Variants in DMD observed in about 807,000 individuals in gnomAD.
DMD encodes dystrophin, also known as mutant dystrophin.
Under a neutral mutation model 330.1 loss-of-function variants are expected in DMD, and 63 were observed. The ratio of observed to expected loss-of-function variants is 0.19; its 90% CI spans 0.16 to 0.24. The LOEUF is 0.24. Ranked by LOEUF, DMD falls within the 10% of genes least tolerant of loss-of-function variation. The pLI, the probability that DMD is intolerant of heterozygous loss-of-function variation, is 1.00. For synonymous variants in DMD, 1,223 were observed against 959.8 expected (o/e 1.27, Z -5.07); for missense variants, 3,344 against 2,684.1 (o/e 1.25, Z -5.43).
chrX:31,879,216 G>GGC (rs1162935284), intron 47 of DMD, among the ~76,000 whole-genome samples: 4 of 99,309 alleles, frequency 4.0e-5, no homozygotes, highest in African/African-American at 6.9e-5. Flanking sequence ...TGGCGGGGGG[G>GGC]GGCCTCACAA....
intron 48 of DMD, among the ~76,000 whole-genome samples, chrX:31,861,299 G>T (rs1228938254): frequency 9.0e-6 from 1 of 111,030 alleles, no homozygotes; most frequent in Non-Finnish European, 1.9e-5. Flanking sequence ...ATAACACACT[G>T]AGTGGGCACG....
intron 29 of DMD, among the ~76,000 whole-genome samples, chrX:32,431,856 T>C (rs1020247380): frequency 2.7e-5 from 3 of 111,244 alleles, no homozygotes; most frequent in Admixed American, 9.6e-5. Context: ...TGAGGGCTTT[T>C]CTTGTGCGTG....
chrX:32,834,969 G>T (rs1485818410), intron 4 of DMD, among the ~76,000 whole-genome samples: 2 of 111,008 alleles, frequency 1.8e-5, no homozygotes, highest in Non-Finnish European at 3.8e-5. Context: ...ACATCTTGGG[G>T]AGCGGGGGGT....
chrX:32,475,887 T>A (rs189380683), intron 21 of DMD, among the ~76,000 whole-genome samples: 114 of 111,193 alleles, frequency 1.0e-3, no homozygotes, highest in African/African-American at 3.4e-3. Flanking sequence ...CTTGTCTGAC[T>A]GCTCTGGCTA....
chrX:31,225,137 T>G (rs899462305), intron 63 of DMD, among the ~76,000 whole-genome samples: 1 of 112,644 alleles, frequency 8.9e-6, no homozygotes, highest in African/African-American at 3.2e-5. Context: ...AATTATGCCC[T>G]GATAAGGTAA....
At chrX:32,623,114 A>T (rs981623611) in intron 11 of DMD, among the ~76,000 whole-genome samples, 1 of 111,869 alleles carries the variant, frequency 8.9e-6, no homozygotes, top group Admixed American at 9.5e-5. Flanking sequence ...GAAGGGCTTT[A>T]TTACAGTACT....
At chrX:31,745,644 C>G (rs1461613977) in intron 51 of DMD, among the ~76,000 whole-genome samples, 1 of 112,103 alleles carries the variant, frequency 8.9e-6, no homozygotes, top group African/African-American at 3.2e-5. Context: ...AACATAAATT[C>G]AACCCCATTG....
intron 9 of DMD, 132 bp from the exon 10 acceptor site, chrX:32,645,284 G>A (rs1367702809): frequency 3.0e-6 from 2 of 674,195 alleles, no homozygotes; most frequent in East Asian, 3.4e-5. Context: ...CACAGGAACA[G>A]CAGATACAGA....
chrX:31,374,713 C>A (rs2059793342), intron 60 of DMD, among the ~76,000 whole-genome samples: 1 of 102,178 alleles, frequency 9.8e-6, no homozygotes, highest in Non-Finnish European at 2.0e-5. Context: ...AGGAGATATA[C>A]CTAATGCTAA....
intron 62 of DMD, among the ~76,000 whole-genome samples, chrX:31,273,704 A>G (rs187150749): frequency 5.4e-5 from 6 of 111,544 alleles, no homozygotes; most frequent in Non-Finnish European, 1.1e-4. Context: ...GAATATCTAC[A>G]AGAATCACGC....
rs188711803 is a variant in DMD, at chrX:32,244,688, G to C, written c.6291-27625C>G. ...TGAGATGATATCTCATAGTGGTTTT[G>C]ATTTGCATTACTCTGATGGCCAGTG... is the stretch of plus-strand genomic sequence containing the variant. On this transcript the variant is annotated intron_variant, in intron 43 of 78. Transcript: ENST00000357033. Among the ~76,000 whole-genome samples the C allele has an allele frequency of 7.5e-5, 7 of 93,474 alleles. 1 individual carries two copies. The highest frequency in any genetic ancestry group is 2.8e-4 in the African/African-American group (7 of 24,712). 81.2% of individuals were successfully genotyped at this position (93,474 alleles called of 115,157 possible).
At chrX:33,005,947 C>G (rs1051985582) in intron 2 of DMD, among the ~76,000 whole-genome samples, 1 of 111,303 alleles carries the variant, frequency 9.0e-6, no homozygotes, top group Non-Finnish European at 1.9e-5. Context: ...TTGTTTCTTA[C>G]ACACCAGCAG....
At chrX:32,775,872 G>T (rs182232043) in intron 7 of DMD, among the ~76,000 whole-genome samples, 4 of 112,603 alleles carry the variant, frequency 3.6e-5, no homozygotes, top group East Asian at 5.6e-4. Flanking sequence ...CTTTTCTGCC[G>T]CATGGACAGG....
At chrX:32,968,448 G>A (rs2092250397) in intron 2 of DMD, among the ~76,000 whole-genome samples, 1 of 110,887 alleles carries the variant, frequency 9.0e-6, no homozygotes, top group African/African-American at 3.3e-5. Flanking sequence ...CCTAGCAGCT[G>A]GAGAGTATGT....
chrX:33,269,453 C>CG lies in DMD; in HGVS notation c.7+69805dup, dbSNP rs1390338135. On this transcript the variant is annotated intron_variant, in intron 1 of 17. Coordinates refer to the DMD transcript ENST00000288447. Reference sequence around the variant, plus strand: ...GACTACTAGAGTGGGGAGGGACCGGCGGGGAAGGAGTTAAAAGCTACCTAT... The same window carrying CG: ...GACTACTAGAGTGGGGAGGGACCGGCGGGGGAAGGAGTTAAAAGCTACCTAT... 3.7e-5 allele frequency among the ~76,000 whole-genome samples: 4 copies of CG among 109,435 alleles called. No homozygotes were observed. In the East Asian group the frequency reaches 8.8e-4, roughly 24 times the overall value.
chrX:32,091,940 A>G (rs1034419918), intron 44 of DMD, among the ~76,000 whole-genome samples: 1 of 111,604 alleles, frequency 9.0e-6, no homozygotes, highest in Non-Finnish European at 1.9e-5. Flanking sequence ...CAGATTGTCT[A>G]AGAAAATGTT....
At chrX:32,813,543 C>T (rs1311137278) in intron 6 of DMD, among the ~76,000 whole-genome samples, 2 of 111,771 alleles carry the variant, frequency 1.8e-5, no homozygotes, top group African/African-American at 3.2e-5. Context: ...TTACCTAGAA[C>T]GGTGTCTACA....
chrX:31,944,584 T>C (rs1217978017), intron 45 of DMD, among the ~76,000 whole-genome samples: 3 of 107,652 alleles, frequency 2.8e-5, no homozygotes. Flanking sequence ...TTCGAGCAAT[T>C]CTTCTGCTTC....
chrX:32,870,981 A>AAAAAAAGAAAAAAAAAAAAAAAAG (rs2082936785), intron 2 of DMD, among the ~76,000 whole-genome samples: 1 of 82,571 alleles, frequency 1.2e-5, no homozygotes, highest in East Asian at 3.9e-4. Flanking sequence ...AAAAAAAAAA[A>AAAAAAAGAAAAAAAAAAAAAAAAG]AAAAAAACCA....
Sources: allele counts gnomAD v4.1 joint callset (sites outside exome capture counted in the v4.1 genomes callset), GRCh38; gene constraint gnomAD v4.1.1; transcripts MANE v1.5; gene names NCBI Gene and HGNC (gene_info 2026-07-23, HGNC 2026-07-21).